Variants in SPDYE1 observed in about 807,000 individuals in gnomAD.
SPDYE1 encodes speedy/RINGO cell cycle regulator family member E1.
A neutral mutation model predicts 45.9 loss-of-function variants in SPDYE1; 29 were observed. The observed-to-expected ratio is 0.63, with a 90% CI of 0.47 to 0.86. The LOEUF (loss-of-function observed/expected upper bound fraction) is 0.86, where lower values mean the gene tolerates loss of function less well. Among genes scored for constraint, SPDYE1 ranks in the 40% least tolerant of loss-of-function variants. The probability of loss-of-function intolerance (pLI) is 0.00; values close to 1 mark genes in which losing one functional copy is unlikely to be tolerated. For synonymous variants in SPDYE1, 134 were observed against 176.8 expected (o/e 0.76, Z 1.92); for missense variants, 346 against 481.4 (o/e 0.72, Z 2.63).
chr7:44,000,549 T>C (rs562697879), intron 2 of SPDYE1, among the ~76,000 whole-genome samples: 7 of 151,832 alleles, frequency 4.6e-5, no homozygotes, highest in Admixed American at 2.6e-4. Context: ...CCCAGAACTT[T>C]GGGAGGCCAA....
Position 44,002,669 on chromosome 7 carries a change from G to C in SPDYE1, c.459G>C (p.Glu153Asp). The change falls in exon 4 of 9, where the codon GAG (glutamate) becomes GAC (aspartate). Residue 153 changes from glutamate (E) to aspartate (D), a missense_variant. Physicochemically the swap from Glu to Asp is conservative, Grantham distance 45. Transcript: ENST00000693451. ...RKMEWWDKSE[E>D]SEEEPRKVLA... Reference sequence around the variant, plus strand: ...TGGAGTGGTGGGACAAATCTGAGGAGTCGGAGGAGGAGCCACGGAAGGTGC... The same window carrying C: ...TGGAGTGGTGGGACAAATCTGAGGACTCGGAGGAGGAGCCACGGAAGGTGC... 6.3e-7 allele frequency: 1 copy of C among 1,597,660 alleles called. No individual in the cohort carries two copies. Among genetic ancestry groups the C allele is most frequent in the Non-Finnish European group, 8.5e-7 (1 of 1,179,936 alleles).
Position 44,008,992 on chromosome 7 carries a change from C to A in SPDYE1, c.*371C>A. 2.4e-6 allele frequency: 1 copy of A among 414,822 alleles called. No individual in the cohort carries two copies. The highest frequency in any genetic ancestry group is 4.7e-6 in the Non-Finnish European group (1 of 211,776). 25.7% of individuals were successfully genotyped at this position (414,822 alleles called of 1,614,324 possible). On this transcript the variant is annotated 3_prime_UTR_variant, in exon 9 of 9. Coordinates refer to ENST00000693451, the MANE Select transcript of SPDYE1 (RefSeq NM_001378423.2). ...CGGAACCTGGAGGTCCTGTTTCTTACGGACTTGGTTGCCACAGTCCAGGAG... is the reference window on the plus strand; with the variant it reads ...CGGAACCTGGAGGTCCTGTTTCTTAAGGACTTGGTTGCCACAGTCCAGGAG...
At chr7:43,999,454 A>C (rs56027560) in intron 1 of SPDYE1, among the ~76,000 whole-genome samples, 74 bp from the exon 2 acceptor site, 3 of 151,010 alleles carry the variant, frequency 2.0e-5, no homozygotes, top group Non-Finnish European at 4.4e-5. Context: ...GTACATGATA[A>C]TCTCACTCTT....
chr7:44,007,097 T>C, intron 6 of SPDYE1, 171 bp from the exon 7 acceptor site: 3 of 1,476,344 alleles, frequency 2.0e-6, no homozygotes, highest in Non-Finnish European at 2.7e-6. Context: ...GAGACGCTCT[T>C]GATCAGGTCT....
In SPDYE1 at chr7:44,002,541, T is replaced by C. The variant is rs1165018165; in HGVS notation, c.380-49T>C. ...TTTGGGGTTTTGGGTCGGGCTCTAG[T>C]GTGATCAACTGCAGAAGCATTACAC... is the stretch of plus-strand genomic sequence containing the variant. On this transcript the variant is annotated intron_variant, in intron 3 of 8. Transcript: ENST00000693451. 8 of 1,543,240 alleles carry C rather than the reference T, an allele frequency of 5.2e-6. No homozygotes were observed. In the South Asian group the frequency reaches 9.3e-5, roughly 18 times the overall value.
In SPDYE1 at chr7:44,007,055, G is replaced by C. The variant is rs1423584622; in HGVS notation, c.753-213G>C. 2.4e-6 allele frequency: 3 copies of C among 1,276,586 alleles called. No individual in the cohort carries two copies. In the African/African-American group the frequency reaches 4.5e-5, roughly 19 times the overall value. The allele number at this position is 1,276,586 out of a possible 1,614,324, so 79.1% of individuals were successfully genotyped here. On this transcript the variant is annotated intron_variant, in intron 6 of 8. Transcript: ENST00000693451. ...CGTAAGCCACCACTCTTGGCCACCAGTTGGGTTTTTGTCTCCATCCTGAAG... is the reference window on the plus strand; with the variant it reads ...CGTAAGCCACCACTCTTGGCCACCACTTGGGTTTTTGTCTCCATCCTGAAG...
At chr7:44,007,235 G>A in intron 6 of SPDYE1, 33 bp from the exon 7 acceptor site, 1 of 1,612,170 alleles carries the variant, frequency 6.2e-7, no homozygotes, top group Non-Finnish European at 8.5e-7. Context: ...TCCTGGTGGT[G>A]CCCCTGAGCA....
chr7:44,002,567 C>A (rs1333328037), intron 3 of SPDYE1, 23 bp from the exon 4 acceptor site: 12 of 1,565,366 alleles, frequency 7.7e-6, no homozygotes, highest in African/African-American at 1.4e-5. Context: ...AGCATTACAC[C>A]GTGGCCTGGT....
chr7:44,005,106 G>C (rs1163598673), intron 5 of SPDYE1, 36 bp from the exon 6 acceptor site: 1 of 1,607,486 alleles, frequency 6.2e-7, no homozygotes, highest in African/African-American at 1.3e-5. Flanking sequence ...TCCAAGATGT[G>C]ACCTCTCCCT....
In SPDYE1 at chr7:44,005,150, T is replaced by G. The variant is rs895697535; in HGVS notation, c.675T>G (p.Leu225=). Residue 225 remains leucine, a synonymous_variant, in exon 6 of 9, where the codon CTT becomes CTG. Transcript: ENST00000693451. ...TCCTTTCTCTCCATCAGTATCTCCT[T>G]GCTATGGTCATAGCGTATTTCAGCC... The part of the protein sequence containing the change: ...KDLRVSDKYL[L]AMVIAYFSRA... 11 of 1,611,882 alleles carry G rather than the reference T, an allele frequency of 6.8e-6. No individual in the cohort carries two copies. Among genetic ancestry groups the G allele is most frequent in the Non-Finnish European group, 9.3e-6 (11 of 1,179,858 alleles).
intron 1 of SPDYE1, among the ~76,000 whole-genome samples, 84 bp from the exon 2 acceptor site, chr7:43,999,444 G>A (rs1201710797): frequency 6.6e-6 from 1 of 150,706 alleles, no homozygotes; most frequent in Non-Finnish European, 1.5e-5. Context: ...TCTCACTCTT[G>A]TACATGATAA....
intron 6 of SPDYE1, among the ~76,000 whole-genome samples, chr7:44,006,079 G>A (rs1368476192): frequency 1.3e-5 from 2 of 152,118 alleles, no homozygotes; most frequent in African/African-American, 2.4e-5. Context: ...TTTCTCTATC[G>A]AGGCCAGGGT....
chr7:44,002,638 G>A lies in SPDYE1; in HGVS notation c.428G>A (p.Arg143Lys), dbSNP rs1562630092. The A allele has an allele frequency of 6.3e-7, 1 of 1,597,470 alleles. No individual in the cohort carries two copies. The highest frequency in any genetic ancestry group is 8.5e-7 in the Non-Finnish European group (1 of 1,179,878). Reference protein sequence around the residue: ...SPPHRSFCWKRKMEWWDKSEE... With the variant: ...SPPHRSFCWKKKMEWWDKSEE... Reference sequence around the variant, plus strand: ...CCGCATAGGTCCTTTTGCTGGAAAAGGAAGATGGAGTGGTGGGACAAATCT... The same window carrying A: ...CCGCATAGGTCCTTTTGCTGGAAAAAGAAGATGGAGTGGTGGGACAAATCT... Residue 143 changes from arginine (R) to lysine (K), a missense_variant, in exon 4 of 9, where the codon AGG becomes AAG. Around this residue, in one of 4 missense-constraint regions of SPDYE1, gnomAD observed 141 missense variants for 176.7 expected, o/e 0.80. Transcript: ENST00000693451.
chr7:44,002,841 C>T, intron 4 of SPDYE1, 24 bp downstream of exon 4: 1 of 1,331,534 alleles, frequency 7.5e-7, no homozygotes, highest in Non-Finnish European at 1.0e-6. Context: ...CCAGAGAGCA[C>T]CTCCAATCCT....
In SPDYE1 at chr7:44,001,113, A is replaced by T; in HGVS notation, c.208A>T (p.Arg70Trp). ...SPPCRSLGWK[R>W]KREWSDESEE... ...CCCATGTAGGTCCCTTGGCTGGAAA[A>T]GGAAGAGGGAGTGGTCAGATGAATC... Residue 70 changes from arginine (R) to tryptophan (W), a missense_variant, in exon 3 of 9, where the codon AGG becomes TGG. Around this residue, in one of 4 missense-constraint regions of SPDYE1, gnomAD observed 141 missense variants for 176.7 expected, o/e 0.80. Coordinates refer to ENST00000693451, the MANE Select transcript of SPDYE1 (RefSeq NM_001378423.2). The T allele has an allele frequency of 6.3e-7, 1 of 1,598,082 alleles. No homozygotes were observed. The highest frequency in any genetic ancestry group is 2.2e-5 in the East Asian group (1 of 44,832).
At position 44,007,475 on chromosome 7, in the gene SPDYE1, C is replaced by A; in HGVS notation, c.960C>A (p.Asn320Lys). 6.2e-7 allele frequency: 1 copy of A among 1,613,158 alleles called. No individual in the cohort carries two copies. The highest frequency in any genetic ancestry group is 8.5e-7 in the Non-Finnish European group (1 of 1,179,566). The change falls in exon 7 of 9, where the codon AAC (asparagine) becomes AAA (lysine). Residue 320 changes from asparagine (N) to lysine (K), a missense_variant. Coordinates refer to ENST00000693451, the MANE Select transcript of SPDYE1 (RefSeq NM_001378423.2). Reference sequence around the variant, plus strand: ...GGTTCCAGTTACGCCGTTGCATGAACCCGAGGGCCAGGAAGAACCGCTCTC... The same window carrying A: ...GGTTCCAGTTACGCCGTTGCATGAAACCGAGGGCCAGGAAGAACCGCTCTC... ...KRRFQLRRCM[N>K]PRARKNRSQI...
intron 2 of SPDYE1, among the ~76,000 whole-genome samples, chr7:44,000,679 C>A (rs1310530397): frequency 6.6e-6 from 1 of 151,682 alleles, no homozygotes; most frequent in East Asian, 1.9e-4. Context: ...GTAATCCCAG[C>A]CACCTGAGAG....
intron 3 of SPDYE1, among the ~76,000 whole-genome samples, chr7:44,001,967 G>A (rs544942279): frequency 3.3e-5 from 5 of 151,164 alleles, no homozygotes; most frequent in Admixed American, 1.3e-4. Flanking sequence ...AAGGAAGGGC[G>A]GGCCCAGAAG....
rs538047699 is a variant in SPDYE1, at chr7:44,007,541, T to C, written c.1026T>C (p.Cys342=). 12 of 1,613,596 alleles carry C rather than the reference T, an allele frequency of 7.4e-6. No individual in the cohort carries two copies. The East Asian group carries it at 2.7e-4, about 36-fold the overall frequency. ...LFQKRRFHFF[C]SMSCRAWVSP... Reference sequence around the variant, plus strand: ...AGAAACGTCGGTTCCACTTCTTCTGTTCCATGAGCTGCAGGGCTTGGGTTT... The same window carrying C: ...AGAAACGTCGGTTCCACTTCTTCTGCTCCATGAGCTGCAGGGCTTGGGTTT... Residue 342 remains cysteine, a synonymous_variant, in exon 7 of 9, where the codon TGT becomes TGC. Transcript: ENST00000693451.
Sources: allele counts gnomAD v4.1 joint callset (sites outside exome capture counted in the v4.1 genomes callset), GRCh38; gene constraint gnomAD v4.1.1; regional missense constraint gnomAD v4.1.1; transcripts MANE v1.5; gene names NCBI Gene and HGNC (gene_info 2026-07-23, HGNC 2026-07-21).